The following COMMD10 variants were observed in gnomAD, a reference collection of about 807,000 sequenced individuals.
COMMD10 encodes the protein COMM domain containing 10, also known as COMM domain-containing protein 10.
A neutral mutation model predicts 28.9 loss-of-function variants in COMMD10; 33 were observed. That is an observed-to-expected ratio of 1.14 (90% CI 0.87 to 1.53). COMMD10 has a LOEUF of 1.53. Among genes scored for constraint, COMMD10 ranks in the 40% most tolerant of loss-of-function variants. The pLI, the probability that COMMD10 is intolerant of heterozygous loss-of-function variation, is 0.00. For synonymous variants in COMMD10, 110 were observed against 81.7 expected (o/e 1.35, Z -1.87); for missense variants, 310 against 233.4 (o/e 1.33, Z -2.14).
chr5:116,209,460 CT>C (rs1366137078), intron 5 of COMMD10, among the ~76,000 whole-genome samples: 2 of 152,112 alleles, frequency 1.3e-5, no homozygotes, highest in Non-Finnish European at 2.9e-5. Flanking sequence ...TTCTGTATGA[CT>C]TTTAGTTCTA....
chr5:116,145,761 C>T (rs555658608), intron 5 of COMMD10, among the ~76,000 whole-genome samples: 153 of 151,868 alleles, frequency 1.0e-3, no homozygotes, highest in African/African-American at 3.2e-3. Context: ...TGAGTTCTCA[C>T]GAGATGTGAT....
intron 5 of COMMD10, among the ~76,000 whole-genome samples, chr5:116,201,967 A>G (rs1389914658): frequency 6.6e-6 from 1 of 151,768 alleles, no homozygotes; most frequent in African/African-American, 2.4e-5. Flanking sequence ...TACATGTGCC[A>G]TGCTGGTGTG....
intron 5 of COMMD10, among the ~76,000 whole-genome samples, chr5:116,226,545 T>G (rs996775657): frequency 6.6e-6 from 1 of 151,904 alleles, no homozygotes; most frequent in Non-Finnish European, 1.5e-5. Context: ...GCTGCAGATA[T>G]CTAGACATTT....
chr5:116,219,040 A>G (rs1175515772), intron 5 of COMMD10, among the ~76,000 whole-genome samples: 1 of 152,170 alleles, frequency 6.6e-6, no homozygotes, highest in Non-Finnish European at 1.5e-5. Context: ...TAAGAAAAAG[A>G]CTAGCTACCA....
chr5:116,284,882 T>C (rs969164077), intron 5 of COMMD10, among the ~76,000 whole-genome samples: 3 of 151,972 alleles, frequency 2.0e-5, no homozygotes, highest in African/African-American at 2.4e-5. Context: ...AATTGAACTT[T>C]CATTGAACTT....
intron 5 of COMMD10, among the ~76,000 whole-genome samples, chr5:116,257,888 ATTAATAC>A (rs1750336271): frequency 6.6e-6 from 1 of 151,730 alleles, no homozygotes; most frequent in African/African-American, 2.4e-5. Flanking sequence ...TTTTCCAAGA[ATTAATAC>A]TTAAGCTTTT....
chr5:116,093,544 C>T (rs185205974), intron 4 of COMMD10, among the ~76,000 whole-genome samples: 4 of 152,264 alleles, frequency 2.6e-5, no homozygotes, highest in African/African-American at 7.2e-5. Flanking sequence ...GCATAGGGAG[C>T]TCCCTGAAGT....
intron 5 of COMMD10, among the ~76,000 whole-genome samples, chr5:116,202,738 T>A (rs1254869070): frequency 3.3e-5 from 5 of 150,488 alleles, no homozygotes; most frequent in East Asian, 2.0e-4. Context: ...GGGTTGTTTG[T>A]TTTTTTCTTG....
At chr5:116,165,225 G>C (rs1405588141) in intron 5 of COMMD10, among the ~76,000 whole-genome samples, 2 of 152,172 alleles carry the variant, frequency 1.3e-5, no homozygotes, top group Non-Finnish European at 2.9e-5. Flanking sequence ...ATGGTGAAAA[G>C]CATACCTCAG....
intron 1 of COMMD10, among the ~76,000 whole-genome samples, chr5:116,086,626 T>C (rs537875657): frequency 1.2e-3 from 176 of 152,248 alleles, no homozygotes; most frequent in Non-Finnish European, 1.7e-3. Flanking sequence ...GCCCAGCTAA[T>C]TTTTTGTATT....
chr5:116,115,078 A>G (rs892495779), intron 4 of COMMD10, among the ~76,000 whole-genome samples: 3 of 152,110 alleles, frequency 2.0e-5, no homozygotes, highest in South Asian at 2.1e-4. Flanking sequence ...AGGTCACACA[A>G]TTTGTTAAAC....
At chr5:116,276,670 C>G (rs1288634433) in intron 5 of COMMD10, among the ~76,000 whole-genome samples, 1 of 151,776 alleles carries the variant, frequency 6.6e-6, no homozygotes, top group Non-Finnish European at 1.5e-5. Flanking sequence ...AATTAAGATA[C>G]AAGCCTTGCT....
At chr5:116,171,836 G>A (rs551948811) in intron 5 of COMMD10, among the ~76,000 whole-genome samples, 1 of 152,096 alleles carries the variant, frequency 6.6e-6, no homozygotes, top group Non-Finnish European at 1.5e-5. Flanking sequence ...CACGGGTGTG[G>A]GGCTAGGGGA....
chr5:116,277,245 C>G (rs983013764), intron 5 of COMMD10, among the ~76,000 whole-genome samples: 1 of 151,760 alleles, frequency 6.6e-6, no homozygotes. Context: ...TCCAGATATA[C>G]TAAGGATTAT....
intron 5 of COMMD10, among the ~76,000 whole-genome samples, chr5:116,147,740 A>T (rs912683235): frequency 4.6e-5 from 7 of 151,934 alleles, no homozygotes; most frequent in Non-Finnish European, 1.0e-4. Flanking sequence ...TCTTTTAAAA[A>T]ATTATTTTAT....
In COMMD10 at chr5:116,284,998, T is replaced by C. The variant is rs1405980121; in HGVS notation, c.511-6519T>C. Among the ~76,000 whole-genome samples the C allele has an allele frequency of 2.0e-5, 3 of 151,892 alleles. No homozygotes were observed. In the East Asian group the frequency reaches 5.8e-4, roughly 29 times the overall value. On this transcript the variant is annotated intron_variant, in intron 5 of 6. Transcript: ENST00000274458. Reference sequence around the variant, plus strand: ...CTTAATTGATGGATAAAACCTTCTGTACATTTTATGACAGGTAAAAAATGA... The same window carrying C: ...CTTAATTGATGGATAAAACCTTCTGCACATTTTATGACAGGTAAAAAATGA...
intron 4 of COMMD10, among the ~76,000 whole-genome samples, chr5:116,106,098 ATT>A (rs754139927): frequency 7.5e-6 from 1 of 132,630 alleles, no homozygotes. Context: ...GTTTTGTTTT[ATT>A]TTTTTTTTTG....
intron 4 of COMMD10, among the ~76,000 whole-genome samples, chr5:116,130,457 C>T (rs950704593): frequency 6.6e-6 from 1 of 151,916 alleles, no homozygotes; most frequent in African/African-American, 2.4e-5. Flanking sequence ...TCTCCGTCTT[C>T]TGGACGTTTG....
At chr5:116,120,315 T>G (rs777079784) in intron 4 of COMMD10, among the ~76,000 whole-genome samples, 16 of 152,032 alleles carry the variant, frequency 1.1e-4, no homozygotes, top group Non-Finnish European at 1.9e-4. Context: ...TGTGGTGGCA[T>G]GAGAATGATA....
Sources: gnomAD v4.1 joint callset for allele counts (sites outside exome capture counted in the v4.1 genomes callset) on GRCh38, gnomAD v4.1.1 for gene constraint, MANE v1.5 for transcripts, NCBI Gene and HGNC (gene_info 2026-07-23, HGNC 2026-07-21) for gene names.